The following PITPNB variants were observed in gnomAD, a reference collection of about 807,000 sequenced individuals.
The protein encoded by PITPNB is phosphatidylinositol transfer protein beta.
PITPNB carries 16 observed loss-of-function variants against 45.9 expected under a neutral mutation model. That is an observed-to-expected ratio of 0.35 (90% CI 0.24 to 0.53). PITPNB has a LOEUF of 0.53. Among genes scored for constraint, PITPNB ranks in the 20% least tolerant of loss-of-function variants. The pLI is 0.93. For missense variants in PITPNB, 188 were observed against 330.5 expected, an observed-to-expected ratio of 0.57 and a Z score of 3.34; for synonymous variants, 112 against 108.9, an observed-to-expected ratio of 1.03 and a Z score of -0.18.
chr22:27,905,310 G>A (rs534073339), intron 3 of PITPNB, among the ~76,000 whole-genome samples: 3 of 152,148 alleles, frequency 2.0e-5, no homozygotes, highest in African/African-American at 7.2e-5. Flanking sequence ...ACCACATTCC[G>A]CTAAATTTTT....
intron 7 of PITPNB, among the ~76,000 whole-genome samples, chr22:27,879,325 T>C (rs1031566811): frequency 6.6e-6 from 1 of 152,156 alleles, no homozygotes; most frequent in Non-Finnish European, 1.5e-5. Context: ...ACACTCCATA[T>C]CCTACAACAC....
rs1055692195 is a variant in PITPNB, at chr22:27,852,011, G to C, written c.*1691C>G. The C allele has an allele frequency of 5.3e-5, 8 of 152,192 alleles. No individual in the cohort carries two copies. Among genetic ancestry groups the C allele is most frequent in the Admixed American group, 2.0e-4 (3 of 15,286 alleles). 9.4% of individuals were successfully genotyped at this position (152,192 alleles called of 1,614,324 possible). A position where few individuals can be genotyped will look rare whatever the true frequency, so the allele number is the denominator to read the frequency against. On this transcript the variant is annotated 3_prime_UTR_variant, in exon 12 of 12. Transcript: ENST00000335272. ...AAAACCTATCTTACAACAGTGCCCA[G>C]AGAGTAAACATCAGTCTTTATCCTG...
At chr22:27,903,518 G>A (rs929072184) in intron 3 of PITPNB, among the ~76,000 whole-genome samples, 3 of 150,590 alleles carry the variant, frequency 2.0e-5, no homozygotes, top group African/African-American at 7.3e-5. Flanking sequence ...GCTCACACCT[G>A]TAATCCCAGT....
At chr22:27,908,710 T>C (rs58520548) in intron 3 of PITPNB, among the ~76,000 whole-genome samples, 5,515 of 152,132 alleles carry the variant, frequency 0.036, 150 homozygotes, top group African/African-American at 0.069. Flanking sequence ...ACTTTAAATA[T>C]ATATAGACTA....
chr22:27,861,453 G>A (rs1934330023), intron 8 of PITPNB, among the ~76,000 whole-genome samples: 1 of 152,172 alleles, frequency 6.6e-6, no homozygotes, highest in Admixed American at 6.5e-5. Context: ...AGGAAGGAGT[G>A]AGTGGGTGTG....
intron 7 of PITPNB, among the ~76,000 whole-genome samples, chr22:27,887,395 C>T (rs1045338362): frequency 1.3e-5 from 2 of 152,136 alleles, no homozygotes; most frequent in Non-Finnish European, 2.9e-5. Context: ...AGTCAGGCTC[C>T]CAGCTGAGCT....
At chr22:27,906,828 T>A (rs898432471) in intron 3 of PITPNB, among the ~76,000 whole-genome samples, 1 of 152,204 alleles carries the variant, frequency 6.6e-6, no homozygotes, top group African/African-American at 2.4e-5. Context: ...AAACCAGACA[T>A]TTCAAATGTC....
Position 27,919,225 on chromosome 22 carries a change from C to T in PITPNB, c.-34G>A, listed in dbSNP as rs751112024. 1 of 1,582,470 alleles carries T rather than the reference C, an allele frequency of 6.3e-7. No homozygotes were observed. Among genetic ancestry groups the T allele is most frequent in the Non-Finnish European group, 8.7e-7 (1 of 1,153,464 alleles). On this transcript the variant is annotated 5_prime_UTR_variant, in exon 1 of 12. Transcript: ENST00000335272. ...AACCCCCTCACAGCTGCCGCCGATA[C>T]CACCGCCGCCGCCGCCGCTACCGCC... is the stretch of plus-strand genomic sequence containing the variant.
chr22:27,871,741 C>T (rs1934665829), intron 8 of PITPNB, among the ~76,000 whole-genome samples: 2 of 152,154 alleles, frequency 1.3e-5, no homozygotes, highest in South Asian at 4.1e-4. Context: ...GGGAATTTGT[C>T]CCTGCTCAAA....
At chr22:27,890,127 G>T (rs1339375657) in intron 7 of PITPNB, among the ~76,000 whole-genome samples, 1 of 152,050 alleles carries the variant, frequency 6.6e-6, no homozygotes, top group African/African-American at 2.4e-5. Flanking sequence ...CAGACCCAGG[G>T]TCCCTGCACC....
intron 3 of PITPNB, among the ~76,000 whole-genome samples, chr22:27,902,316 G>C (rs1352104443): frequency 6.6e-6 from 1 of 152,086 alleles, no homozygotes. Flanking sequence ...CCTCCAGCAT[G>C]GCTAGACTGC....
intron 11 of PITPNB, among the ~76,000 whole-genome samples, chr22:27,853,964 TA>T (rs1372774268): frequency 1.1e-4 from 17 of 152,140 alleles, no homozygotes; most frequent in Admixed American, 9.2e-4. Context: ...ACATGGAATT[TA>T]AAAGTGTTTG....
chr22:27,890,406 T>C (rs1935240344), intron 7 of PITPNB, among the ~76,000 whole-genome samples: 3 of 152,170 alleles, frequency 2.0e-5, no homozygotes, highest in Admixed American at 2.0e-4. Flanking sequence ...GTAACAGTTC[T>C]TTAATTATCC....
intron 1 of PITPNB, among the ~76,000 whole-genome samples, chr22:27,915,112 CTTAAT>C (rs1936039428): frequency 6.6e-6 from 1 of 152,058 alleles, no homozygotes; most frequent in Non-Finnish European, 1.5e-5. Context: ...AAGGAGAGTC[CTTAAT>C]TTATTTCCAC....
chr22:27,854,535 C>T (rs1333447130), intron 11 of PITPNB, among the ~76,000 whole-genome samples: 3 of 152,058 alleles, frequency 2.0e-5, no homozygotes, highest in African/African-American at 7.2e-5. Flanking sequence ...CTACAAAGAA[C>T]CAGGTCAATT....
chr22:27,875,826 A>T (rs1450390890), intron 7 of PITPNB, among the ~76,000 whole-genome samples: 2 of 152,320 alleles, frequency 1.3e-5, no homozygotes, highest in African/African-American at 4.8e-5. Flanking sequence ...GCTCCTAAAG[A>T]ATCAGTCTAG....
chr22:27,901,840 C>A (rs1935603492), intron 3 of PITPNB, among the ~76,000 whole-genome samples: 2 of 152,074 alleles, frequency 1.3e-5, no homozygotes, highest in Non-Finnish European at 2.9e-5. Context: ...GCCAAGATCA[C>A]ACCACTGTAC....
At chr22:27,873,341 T>C (rs1011804935) in intron 8 of PITPNB, among the ~76,000 whole-genome samples, 6 of 152,172 alleles carry the variant, frequency 3.9e-5, no homozygotes, top group African/African-American at 1.4e-4. Context: ...AAAATATAAC[T>C]ATTAAAAGTC....
intron 7 of PITPNB, among the ~76,000 whole-genome samples, chr22:27,891,949 T>C (rs1935292900): frequency 6.6e-6 from 1 of 152,190 alleles, no homozygotes; most frequent in Non-Finnish European, 1.5e-5. Flanking sequence ...CAAGATTAAA[T>C]AGCCAGTAGG....
Sources: allele counts gnomAD v4.1 joint callset (sites outside exome capture counted in the v4.1 genomes callset), GRCh38; gene constraint gnomAD v4.1.1; transcripts MANE v1.5; gene names NCBI Gene and HGNC (gene_info 2026-07-23, HGNC 2026-07-21).